The following PITRM1 variants were observed in gnomAD, a reference collection of about 807,000 sequenced individuals.
The protein encoded by PITRM1 is presequence protease, mitochondrial.
Under a neutral mutation model 129.9 loss-of-function variants are expected in PITRM1, and 100 were observed. The observed-to-expected ratio is 0.77, with a 90% CI of 0.65 to 0.91. The LOEUF (loss-of-function observed/expected upper bound fraction) is 0.91, where lower values mean the gene tolerates loss of function less well. Among genes scored for constraint, PITRM1 ranks in the 40% least tolerant of loss-of-function variants. The pLI is 0.00. For synonymous variants in PITRM1, 591 were observed against 508.8 expected (o/e 1.16, Z -2.17); for missense variants, 1,471 against 1,318.3 (o/e 1.12, Z -1.79).
intron 23 of PITRM1, chr10:3,141,772 G>A (rs1188014470): frequency 7.4e-6 from 3 of 402,784 alleles, no homozygotes; most frequent in Non-Finnish European, 1.6e-5. Flanking sequence ...TAGGCCAGGT[G>A]GGAAATCAAG....
At chr10:3,167,990 T>C (rs1843014203) in intron 2 of PITRM1, 1 of 152,096 alleles carries the variant, frequency 6.6e-6, no homozygotes, top group Admixed American at 6.6e-5. Flanking sequence ...TCCTGGTAAG[T>C]GACCATACTC....
intron 12 of PITRM1, 154 bp from the exon 13 acceptor site, chr10:3,157,218 A>C: frequency 1.3e-6 from 1 of 777,024 alleles, no homozygotes; most frequent in South Asian, 2.2e-5. Flanking sequence ...TTGGATGGAG[A>C]AACAAAAAAA....
chr10:3,145,812 A>C (rs1326807075), intron 20 of PITRM1, 96 bp from the exon 21 acceptor site: 2 of 1,003,148 alleles, frequency 2.0e-6, no homozygotes, highest in Non-Finnish European at 3.0e-6. Context: ...TTGTTTTTAT[A>C]GAAAATACTG....
chr10:3,148,254 G>T lies in PITRM1; in HGVS notation c.1909C>A (p.Gln637Lys). Reference protein sequence around the residue: ...CGLLDYREQAQQIELKTGGMS... With the variant: ...CGLLDYREQAKQIELKTGGMS... ...CCTCCGGTCTTCAATTCTATCTGCT[G>T]AGCCTGCTCCCGGTAGTCAAGAAGG... is the stretch of plus-strand genomic sequence containing the variant. The change falls in exon 17 of 27, where the codon CAG becomes AAG. Residue 637 changes from glutamine (Q) to lysine (K), a missense_variant. By Grantham distance (53) the Gln-to-Lys change is moderately conservative. Transcript: ENST00000224949. The T allele has an allele frequency of 6.2e-7, 1 of 1,613,890 alleles. No individual in the cohort carries two copies. The highest frequency in any genetic ancestry group is 8.5e-7 in the Non-Finnish European group (1 of 1,179,816).
intron 20 of PITRM1, 79 bp downstream of exon 20, chr10:3,147,071 T>A: frequency 1.3e-6 from 1 of 750,328 alleles, no homozygotes; most frequent in Non-Finnish European, 2.2e-6. Context: ...ATCTTGAAGT[T>A]TCTACAAGTA....
At chr10:3,147,375 G>T in intron 19 of PITRM1, 125 bp from the exon 20 acceptor site, 2 of 946,330 alleles carry the variant, frequency 2.1e-6, no homozygotes, top group Non-Finnish European at 3.3e-6. Context: ...TGCACGGCTT[G>T]GGCAGGGCTG....
At chr10:3,172,677 G>C (rs751795184) in intron 1 of PITRM1, 40 bp downstream of exon 1, 1 of 1,521,568 alleles carries the variant, frequency 6.6e-7, no homozygotes. Flanking sequence ...TCCCCTCCCG[G>C]GTACCAGCGC....
At chr10:3,138,360 G>A (rs375476261) in intron 25 of PITRM1, 23 bp from the exon 26 acceptor site, 312 of 1,552,552 alleles carry the variant, frequency 2.0e-4, no homozygotes, top group African/African-American at 1.2e-3. Flanking sequence ...CCACAGGCAC[G>A]ATGGAGCCGC....
Position 3,148,187 on chromosome 10 carries a change from A to G in PITRM1, c.1976T>C (p.Met659Thr), listed in dbSNP as rs745630282. Residue 659 changes from methionine (M) to threonine (T), a missense_variant, in exon 17 of 27, where the codon ATG (methionine) becomes ACG (threonine). Physicochemically the swap from Met to Thr is moderately conservative, Grantham distance 81. Transcript: ENST00000224949. ...SPHVLPDDSHMDTYEQGVLFS... is the reference protein window; with the variant it reads ...SPHVLPDDSHTDTYEQGVLFS... ...CCAGGCTACCTGCTCGTAGGTGTCC[A>G]TGTGTGAGTCGTCGGGGAGCACGTG... 1.9e-6 allele frequency: 3 copies of G among 1,613,972 alleles called. No individual in the cohort carries two copies. The highest frequency in any genetic ancestry group is 2.2e-5 in the East Asian group (1 of 44,876).
intron 9 of PITRM1, 81 bp downstream of exon 9, chr10:3,159,767 T>G: frequency 1.3e-6 from 1 of 782,204 alleles, no homozygotes; most frequent in South Asian, 1.6e-5. Context: ...CATTCAATTG[T>G]AGAACTCACT....
intron 1 of PITRM1, among the ~76,000 whole-genome samples, chr10:3,172,020 T>C (rs1843412803): frequency 6.6e-6 from 1 of 152,254 alleles, no homozygotes; most frequent in South Asian, 2.1e-4. Flanking sequence ...AACCAACATT[T>C]GCTTACTGAT....
At chr10:3,138,760 G>A (rs184091858) in intron 25 of PITRM1, 144 bp downstream of exon 25, 4 of 833,508 alleles carry the variant, frequency 4.8e-6, no homozygotes, top group East Asian at 2.4e-5. Context: ...CGTGTTTAGG[G>A]TGTCAGACGT....
At chr10:3,145,827 G>T in intron 20 of PITRM1, 111 bp from the exon 21 acceptor site, 2 of 903,620 alleles carry the variant, frequency 2.2e-6, no homozygotes, top group Non-Finnish European at 3.4e-6. Context: ...ATACTGTTCA[G>T]AGTGTTAAAC....
Position 3,155,618 on chromosome 10 carries a change from C to G in PITRM1, c.1594G>C (p.Gly532Arg), listed in dbSNP as rs760990512. The change falls in exon 14 of 27, where the codon GGA (glycine) becomes CGA (arginine). Residue 532 changes from glycine to arginine, a missense_variant. Transcript: ENST00000224949. ...LKQKVEALSPGDRQQIYEKGL... is the reference protein window; with the variant it reads ...LKQKVEALSPRDRQQIYEKGL... ...TTCTCGTAGATCTGCTGCCTGTCTC[C>G]GGGGGACAGAGCCTCGACCTTCTGC... 3.1e-6 allele frequency: 5 copies of G among 1,613,762 alleles called. No individual in the cohort carries two copies. In the South Asian group the frequency reaches 4.4e-5, roughly 14 times the overall value.
At position 3,138,100 on chromosome 10, in the gene PITRM1, T is replaced by C. The variant is rs764644471; in HGVS notation, c.3045A>G (p.Thr1015=). The C allele has an allele frequency of 2.4e-5, 39 of 1,610,582 alleles. No individual in the cohort carries two copies. The highest frequency in any genetic ancestry group is 5.0e-5 in the Admixed American group (3 of 59,634). ...SDRYLGTGKS[T]HGLAILGPEN... ...CGGGTCCGAGGATGGCCAGGCCGTG[T>C]GTGCTCTTCCCAGTGCCGAGGTATC... The change falls in exon 27 of 27, where the codon ACA becomes ACG. Residue 1015 remains threonine, a synonymous_variant. Transcript: ENST00000224949.
At position 3,160,723 on chromosome 10, in the gene PITRM1, G is replaced by A. The variant is rs542821273; in HGVS notation, c.792-393C>T. 2.0e-4 allele frequency among the ~76,000 whole-genome samples: 31 copies of A among 151,546 alleles called. No individual in the cohort carries two copies. The East Asian group carries it at 5.3e-3, about 26-fold the overall frequency. On this transcript the variant is annotated intron_variant, in intron 7 of 26. Coordinates refer to ENST00000224949, the MANE Select transcript of PITRM1 (RefSeq NM_014889.4). Reference sequence around the variant, plus strand: ...TCCAGCCTCAGCCTCCTCAGTAGCCGGGACTACCAGGACTACACCACCACA... The same window carrying A: ...TCCAGCCTCAGCCTCCTCAGTAGCCAGGACTACCAGGACTACACCACCACA...
chr10:3,169,536 G>T (rs1236470694), intron 2 of PITRM1, among the ~76,000 whole-genome samples: 2 of 152,214 alleles, frequency 1.3e-5, no homozygotes, highest in Non-Finnish European at 2.9e-5. Flanking sequence ...GCCAACAGCT[G>T]GCCAAATACA....
rs942828985 is a variant in PITRM1, at chr10:3,149,725, G to C, written c.1767C>G (p.Ala589=). The C allele has an allele frequency of 3.7e-6, 6 of 1,612,498 alleles. No individual in the cohort carries two copies. In the African/African-American group the frequency reaches 4.0e-5, roughly 11 times the overall value. The change falls in exon 16 of 27, where the codon GCC becomes GCG. Residue 589 remains alanine (A), a synonymous_variant. Transcript: ENST00000224949. ...AATACACCATGCCATTGGTGGGCTG[G>C]GCGCAGTACTGAACAGGGATATCTC... ...TAGDIPVQYC[A]QPTNGMVYFR... is the part of the protein sequence containing the mutation.
At chr10:3,148,146 C>CA in intron 17 of PITRM1, 25 bp downstream of exon 17, 1 of 1,613,874 alleles carries the variant, frequency 6.2e-7, no homozygotes, top group Non-Finnish European at 8.5e-7. Flanking sequence ...CCCACCGCAG[C>CA]AGTCGTCTGA....
Sources: allele counts gnomAD v4.1 joint callset (sites outside exome capture counted in the v4.1 genomes callset), GRCh38; gene constraint gnomAD v4.1.1; transcripts MANE v1.5; gene names NCBI Gene and HGNC (gene_info 2026-07-23, HGNC 2026-07-21).